The following GRB10 variants were observed in gnomAD, a reference collection of about 807,000 sequenced individuals.
The protein encoded by GRB10 is growth factor receptor bound protein 10.
GRB10 carries 20 observed loss-of-function variants against 80.9 expected under a neutral mutation model. That is an observed-to-expected ratio of 0.25 (90% CI 0.17 to 0.36). The LOEUF (loss-of-function observed/expected upper bound fraction) is 0.36, where lower values mean the gene tolerates loss of function less well. GRB10 is among the 10% of genes least tolerant of loss of function. GRB10 has a pLI of 1.00. For synonymous variants in GRB10, 291 were observed against 291.5 expected (o/e 1.00, Z 0.02); for missense variants, 548 against 747.7 (o/e 0.73, Z 3.12).
chr7:50,674,298 A>T (rs2060664725), intron 6 of GRB10, 138 bp downstream of exon 6: 1 of 867,288 alleles, frequency 1.2e-6, no homozygotes, highest in Non-Finnish European at 1.9e-6. Context: ...CCGTTATCCC[A>T]TCAAAGCAAT....
intron 5 of GRB10, among the ~76,000 whole-genome samples, chr7:50,698,075 C>T (rs1009059524): frequency 2.0e-5 from 3 of 152,210 alleles, no homozygotes; most frequent in Admixed American, 6.5e-5. Flanking sequence ...CAGAATCAGA[C>T]ACAAACACAT....
intron 5 of GRB10, among the ~76,000 whole-genome samples, chr7:50,690,166 C>T (rs1307679417): frequency 6.6e-6 from 1 of 151,934 alleles, no homozygotes; most frequent in Admixed American, 6.6e-5. Context: ...CGTGGTGGTG[C>T]ATGCTTGTAG....
intron 1 of GRB10, among the ~76,000 whole-genome samples, chr7:50,790,158 TAA>T (rs1562725507): frequency 6.6e-6 from 1 of 152,228 alleles, no homozygotes; most frequent in Non-Finnish European, 1.5e-5. Flanking sequence ...TACAGCTCCC[TAA>T]AAGTGTGCAG....
chr7:50,774,914 C>T (rs537772702), intron 2 of GRB10, among the ~76,000 whole-genome samples: 2 of 151,050 alleles, frequency 1.3e-5, no homozygotes, highest in Non-Finnish European at 3.0e-5. Context: ...GAGGTTGAGG[C>T]GGCCGGACTT....
chr7:50,714,332 C>T (rs1169063620), intron 4 of GRB10, among the ~76,000 whole-genome samples: 1 of 152,140 alleles, frequency 6.6e-6, no homozygotes, highest in Non-Finnish European at 1.5e-5. Context: ...GGATCAGTGA[C>T]AATGCAAGTT....
chr7:50,755,605 C>A (rs984520237), intron 3 of GRB10, among the ~76,000 whole-genome samples: 1 of 152,120 alleles, frequency 6.6e-6, no homozygotes, highest in African/African-American at 2.4e-5. Flanking sequence ...GGCCCAGAGG[C>A]ATGTCCGCGA....
intron 8 of GRB10, among the ~76,000 whole-genome samples, chr7:50,620,468 A>C (rs538627015): frequency 7.7e-6 from 1 of 130,438 alleles, no homozygotes; most frequent in African/African-American, 2.5e-5. Context: ...ATGGGCACTC[A>C]TCTCAGATGA....
chr7:50,685,972 T>C (rs1374956248), intron 5 of GRB10, among the ~76,000 whole-genome samples: 1 of 152,130 alleles, frequency 6.6e-6, no homozygotes, highest in Non-Finnish European at 1.5e-5. Context: ...AACCGCCAGA[T>C]GCATGGGGCC....
intron 7 of GRB10, among the ~76,000 whole-genome samples, chr7:50,652,441 C>A (rs762050497): frequency 2.0e-5 from 3 of 152,162 alleles, no homozygotes; most frequent in Non-Finnish European, 4.4e-5. Flanking sequence ...TAGGGGAACT[C>A]CAAATTACAC....
intron 3 of GRB10, among the ~76,000 whole-genome samples, chr7:50,750,020 C>G (rs1301525081): frequency 2.6e-5 from 4 of 152,190 alleles, no homozygotes; most frequent in African/African-American, 9.7e-5. Context: ...CTGCTACTCC[C>G]TTGGTGAGAT....
At chr7:50,766,672 G>A (rs2076371679) in intron 2 of GRB10, among the ~76,000 whole-genome samples, 1 of 152,152 alleles carries the variant, frequency 6.6e-6, no homozygotes, top group Non-Finnish European at 1.5e-5. Context: ...GAAAGCTGTA[G>A]GGAAACAGTC....
At chr7:50,632,056 T>A (rs2054098847) in intron 7 of GRB10, among the ~76,000 whole-genome samples, 1 of 152,220 alleles carries the variant, frequency 6.6e-6, no homozygotes, top group Non-Finnish European at 1.5e-5. Flanking sequence ...GCCTGGAGGT[T>A]TGGGGTAAAT....
intron 2 of GRB10, among the ~76,000 whole-genome samples, chr7:50,769,674 C>A (rs565587225): frequency 1.1e-4 from 17 of 152,256 alleles, no homozygotes; most frequent in Admixed American, 8.5e-4. Flanking sequence ...TCTGACAGGG[C>A]ACAACACAGC....
intron 7 of GRB10, among the ~76,000 whole-genome samples, chr7:50,644,839 G>C (rs1385548885): frequency 1.3e-5 from 2 of 152,236 alleles, no homozygotes; most frequent in Non-Finnish European, 2.9e-5. Context: ...TAGACAGACA[G>C]AACAATGACA....
At chr7:50,625,970 G>A (rs1358165772) in intron 8 of GRB10, among the ~76,000 whole-genome samples, 1 of 152,190 alleles carries the variant, frequency 6.6e-6, no homozygotes, top group East Asian at 1.9e-4. Context: ...ACTATGGGAA[G>A]TTTCCAATCT....
At chr7:50,773,506 G>T (rs866232507) in intron 2 of GRB10, among the ~76,000 whole-genome samples, 1 of 127,846 alleles carries the variant, frequency 7.8e-6, no homozygotes, top group Non-Finnish European at 1.6e-5. Context: ...GGGAGGGGAG[G>T]GGAGAGGAGA....
rs1300105161 is a variant in GRB10 at position 50,612,787 on chromosome 7, T to C, written c.1148A>G (p.Asp383Gly). The C allele has an allele frequency of 1.2e-6, 2 of 1,613,972 alleles. No homozygotes were observed. Among genetic ancestry groups the C allele is most frequent in the Non-Finnish European group, 1.7e-6 (2 of 1,179,970 alleles). ...CATCCAGCACGTCCTGGTTTGCTCGTCCTCTGCACAGAGCAACCTCAGCTC... is the reference window on the plus strand; with the variant it reads ...CATCCAGCACGTCCTGGTTTGCTCGCCCTCTGCACAGAGCAACCTCAGCTC... ...TKELRLLCAE[D>G]EQTRTCWMTA... Residue 383 changes from aspartate (D) to glycine (G), a missense_variant, in exon 13 of 19, where the codon GAC becomes GGC. By Grantham distance (94) the Asp-to-Gly change is moderately conservative (BLOSUM62 -1). Around this residue, in one of 4 missense-constraint regions of GRB10, gnomAD observed 270 missense variants for 433.6 expected, o/e 0.62. Coordinates refer to ENST00000401949, the MANE Select transcript of GRB10 (RefSeq NM_001350814.2).
chr7:50,729,920 T>C lies in GRB10; in HGVS notation c.51+2352A>G, dbSNP rs903030498. The stretch of plus-strand genomic sequence containing the variant: ...TCCCTAGCCCAAAACATGTGCCTGG[T>C]ACCTGGCTGGTGCTCTATCAAAGAA... On this transcript the variant is annotated intron_variant, in intron 4 of 18. Transcript: ENST00000401949. Among the ~76,000 whole-genome samples, 3 of 152,158 alleles carry C rather than the reference T, an allele frequency of 2.0e-5. No individual in the cohort carries two copies. The East Asian group carries it at 5.8e-4, about 29-fold the overall frequency.
At chr7:50,595,693 G>A (rs927411133) in intron 17 of GRB10, 163 bp from the exon 18 acceptor site, 2 of 627,612 alleles carry the variant, frequency 3.2e-6, no homozygotes, top group African/African-American at 1.8e-5. Flanking sequence ...GGCCTCTAGG[G>A]GCAACAGCAC....
Sources: allele counts gnomAD v4.1 joint callset (sites outside exome capture counted in the v4.1 genomes callset), GRCh38; gene constraint gnomAD v4.1.1; regional missense constraint gnomAD v4.1.1; transcripts MANE v1.5; gene names NCBI Gene and HGNC (gene_info 2026-07-23, HGNC 2026-07-21).